Variants in NEDD4L observed in about 807,000 individuals in gnomAD.
NEDD4L encodes the protein E3 ubiquitin-protein ligase NEDD4-like.
Under a neutral mutation model 148.9 loss-of-function variants are expected in NEDD4L, and 54 were observed. The ratio of observed to expected loss-of-function variants is 0.36; its 90% CI spans 0.29 to 0.45. The LOEUF (loss-of-function observed/expected upper bound fraction) is 0.45, where lower values mean the gene tolerates loss of function less well. NEDD4L is among the 20% of genes least tolerant of loss of function. The pLI is 1.00. For missense variants in NEDD4L, 856 were observed against 1,233.8 expected, an observed-to-expected ratio of 0.69 and a Z score of 4.59; for synonymous variants, 433 against 440.7, an observed-to-expected ratio of 0.98 and a Z score of 0.22.
intron 1 of NEDD4L, among the ~76,000 whole-genome samples, chr18:58,088,022 G>A (rs2083853714): frequency 6.6e-6 from 1 of 152,236 alleles, no homozygotes. Context: ...GGGTGGGACT[G>A]AAGCACCTGC....
chr18:58,165,753 GT>G (rs1447897786), intron 1 of NEDD4L, 34 bp from the exon 2 acceptor site: 8 of 1,585,480 alleles, frequency 5.0e-6, no homozygotes, highest in Non-Finnish European at 6.0e-6. Flanking sequence ...TGAAGATCAG[GT>G]TTTTAACCTC....
At position 58,103,800 on chromosome 18, in the gene NEDD4L, C is replaced by T. The variant is rs539068806; in HGVS notation, c.48+59092C>T. ...ATTGGCAGTACAGCTGTTGGAGAGA[C>T]TGCCTGCGCAGCCCGAGGAGGAGAA... On this transcript the variant is annotated intron_variant, in intron 1 of 30. Transcript: ENST00000400345. Among the ~76,000 whole-genome samples the T allele has an allele frequency of 9.2e-5, 14 of 152,340 alleles. No homozygotes were observed. The East Asian group carries it at 2.1e-3, about 23-fold the overall frequency.
chr18:58,277,298 A>T (rs1487827677), intron 5 of NEDD4L, among the ~76,000 whole-genome samples: 1 of 152,020 alleles, frequency 6.6e-6, no homozygotes, highest in African/African-American at 2.4e-5. Context: ...AAAATAGAGG[A>T]TAGTAATCCT....
At chr18:58,363,260 T>C (rs1161351728) in intron 19 of NEDD4L, among the ~76,000 whole-genome samples, 2 of 152,154 alleles carry the variant, frequency 1.3e-5, no homozygotes, top group African/African-American at 4.8e-5. Flanking sequence ...AAGATAAGTA[T>C]GGTGAAAGTG....
intron 5 of NEDD4L, among the ~76,000 whole-genome samples, chr18:58,259,285 GTT>G (rs1163297623): frequency 1.3e-5 from 2 of 152,112 alleles, no homozygotes; most frequent in African/African-American, 2.4e-5. Context: ...TTTCCACCTG[GTT>G]TATCACTGTC....
intron 8 of NEDD4L, 50 bp downstream of exon 8, chr18:58,323,384 G>C (rs2059018887): frequency 1.0e-6 from 1 of 974,578 alleles, no homozygotes; most frequent in Admixed American, 2.1e-5. Flanking sequence ...TCATATTCAT[G>C]TTTTGCTTTC....
intron 2 of NEDD4L, among the ~76,000 whole-genome samples, chr18:58,175,313 ACCT>A (rs1374133417): frequency 6.8e-6 from 1 of 146,088 alleles, no homozygotes; most frequent in African/African-American, 2.7e-5. Flanking sequence ...GGGACCGTAC[ACCT>A]CCTGTTGTTT....
At position 58,329,064 on chromosome 18, in the gene NEDD4L, C is replaced by T; in HGVS notation, c.750C>T (p.Arg250=). Residue 250 remains arginine (R), a synonymous_variant, in exon 10 of 31, where the codon CGC becomes CGT. Coordinates refer to ENST00000400345, the MANE Select transcript of NEDD4L (RefSeq NM_001144967.3). ...INQEAAHRRF[R]SRRHISEDLE... ...AGGAGGCAGCACACCGGCGCTTCCG[C>T]TCCCGCAGGCACATCAGCGAAGACT... 24 of 1,614,050 alleles carry T rather than the reference C, an allele frequency of 1.5e-5. No homozygotes were observed. Among genetic ancestry groups the T allele is most frequent in the Non-Finnish European group, 2.0e-5 (24 of 1,179,896 alleles).
chr18:58,166,143 A>G (rs1203697999), intron 2 of NEDD4L, among the ~76,000 whole-genome samples: 1 of 152,240 alleles, frequency 6.6e-6, no homozygotes, highest in Non-Finnish European at 1.5e-5. Flanking sequence ...TCTCAGTAGA[A>G]AAATACAGTG....
intron 3 of NEDD4L, among the ~76,000 whole-genome samples, chr18:58,245,767 G>A (rs1265995620): frequency 1.5e-5 from 2 of 134,036 alleles, no homozygotes; most frequent in Non-Finnish European, 3.1e-5. Flanking sequence ...TGCACCCTCC[G>A]CCTCCTGGGT....
rs185549339 is a variant in NEDD4L at position 58,380,122 on chromosome 18, G to A, written c.2353-3124G>A. Among the ~76,000 whole-genome samples, 1,363 of 151,710 alleles carry A rather than the reference G, an allele frequency of 9.0e-3. 12 individuals are homozygous for A. Among genetic ancestry groups the A allele is most frequent in the Middle Eastern group, 0.024 (7 of 294 alleles). ...TATTAACCTCCATAATAAAAATAAA[G>A]CCAGTATAATAAAAATATGTAAAAT... On this transcript the variant is annotated intron_variant, in intron 24 of 30. Transcript: ENST00000400345.
At chr18:58,052,379 C>G (rs8093336) in intron 1 of NEDD4L, among the ~76,000 whole-genome samples, 137,490 of 152,214 alleles carry the variant, frequency 0.9, 62,174 homozygotes, top group East Asian at 1. Context: ...TTATTGTAAT[C>G]CCTTTAGGTG....
intron 1 of NEDD4L, among the ~76,000 whole-genome samples, chr18:58,111,953 G>A (rs1170394559): frequency 6.6e-6 from 1 of 152,148 alleles, no homozygotes; most frequent in Non-Finnish European, 1.5e-5. Flanking sequence ...AACACGTGTT[G>A]TCTGTCCAGT....
At chr18:58,370,015 C>G (rs563369973) in intron 22 of NEDD4L, among the ~76,000 whole-genome samples, 15 of 152,328 alleles carry the variant, frequency 9.8e-5, no homozygotes, top group African/African-American at 3.6e-4. Context: ...CACTGCCGGC[C>G]CCTTCTCTGG....
At chr18:58,324,384 A>G (rs2059122753) in intron 8 of NEDD4L, among the ~76,000 whole-genome samples, 1 of 152,220 alleles carries the variant, frequency 6.6e-6, no homozygotes, top group Admixed American at 6.5e-5. Flanking sequence ...GCCAGTGTAG[A>G]GGGCCTGAGT....
At chr18:58,159,769 T>C (rs2035964330) in intron 1 of NEDD4L, among the ~76,000 whole-genome samples, 1 of 152,226 alleles carries the variant, frequency 6.6e-6, no homozygotes, top group South Asian at 2.1e-4. Context: ...TCTGTTTTAA[T>C]GCAGAGAGTG....
chr18:58,269,903 G>T (rs930287419), intron 5 of NEDD4L, among the ~76,000 whole-genome samples: 2 of 149,568 alleles, frequency 1.3e-5, no homozygotes, highest in Non-Finnish European at 3.0e-5. Context: ...AAGCAAGGTT[G>T]TAAAATACCT....
chr18:58,361,030 C>T (rs936627020), intron 19 of NEDD4L, among the ~76,000 whole-genome samples: 2 of 152,060 alleles, frequency 1.3e-5, no homozygotes, highest in Non-Finnish European at 2.9e-5. Context: ...TTCCCTGGTC[C>T]GGTGGGTAGA....
chr18:58,296,464 A>C (rs1354712007), intron 5 of NEDD4L, among the ~76,000 whole-genome samples: 1 of 152,190 alleles, frequency 6.6e-6, no homozygotes, highest in Non-Finnish European at 1.5e-5. Context: ...CACTGAACTG[A>C]AGTCAGGATG....
Sources: allele counts gnomAD v4.1 joint callset (sites outside exome capture counted in the v4.1 genomes callset), GRCh38; gene constraint gnomAD v4.1.1; transcripts MANE v1.5; gene names NCBI Gene and HGNC (gene_info 2026-07-23, HGNC 2026-07-21).